Variants in ZDHHC7 observed in about 807,000 individuals in gnomAD.
ZDHHC7 encodes the protein zDHHC palmitoyltransferase 7.
In ZDHHC7, 12 loss-of-function variants were observed where a neutral mutation model predicts 34.1. The observed-to-expected ratio is 0.35, with a 90% CI of 0.23 to 0.57. The LOEUF (loss-of-function observed/expected upper bound fraction) is 0.57, where lower values mean the gene tolerates loss of function less well. Among genes scored for constraint, ZDHHC7 ranks in the 20% least tolerant of loss-of-function variants. The pLI, the probability that ZDHHC7 is intolerant of heterozygous loss-of-function variation, is 0.84. For missense variants in ZDHHC7, 388 were observed against 402.7 expected (o/e 0.96, Z 0.31); for synonymous variants, 185 against 155.4 (o/e 1.19, Z -1.42).
intron 1 of ZDHHC7, among the ~76,000 whole-genome samples, chr16:84,996,337 C>T (rs2072576052): frequency 2.0e-5 from 3 of 152,136 alleles, no homozygotes. Context: ...GCACTTCTAC[C>T]GTCGATAAGC....
At chr16:84,978,753 T>C (rs1327574510) in intron 5 of ZDHHC7, among the ~76,000 whole-genome samples, 2 of 151,418 alleles carry the variant, frequency 1.3e-5, no homozygotes, top group Non-Finnish European at 2.9e-5. Context: ...TCTCAGCTAC[T>C]TGGGAGGCTG....
At chr16:85,002,620 TGTGTGATCCTGG>T (rs1323313473) in intron 1 of ZDHHC7, among the ~76,000 whole-genome samples, 1 of 151,808 alleles carries the variant, frequency 6.6e-6, no homozygotes, top group Non-Finnish European at 1.5e-5. Flanking sequence ...ACTCATGTCC[TGTGTGATCCTGG>T]GTGGGATCCT....
At chr16:85,021,890 C>G in the ZDHHC7 span, among the ~76,000 whole-genome samples, 1 of 152,076 alleles carries the variant, frequency 6.6e-6, no homozygotes, top group African/African-American at 2.4e-5. Flanking sequence ...GGCGCAGTGG[C>G]TCACGCCTGT....
chr16:84,998,105 T>TA (rs11439965), intron 1 of ZDHHC7, among the ~76,000 whole-genome samples: 12,950 of 134,456 alleles, frequency 0.096, 766 homozygotes, highest in African/African-American at 0.18. Flanking sequence ...CTACTAAAAA[T>TA]AAAAAAAAAT....
At chr16:85,012,630 G>T (rs2072809105), upstream of ZDHHC7, among the ~76,000 whole-genome samples, 1 of 152,060 alleles carries the variant, frequency 6.6e-6, no homozygotes, top group Non-Finnish European at 1.5e-5. Context: ...AAGGCCAGGT[G>T]TGGTGGCTCA....
chr16:85,005,462 C>A (rs1404736863), intron 1 of ZDHHC7, among the ~76,000 whole-genome samples: 1 of 152,146 alleles, frequency 6.6e-6, no homozygotes, highest in Non-Finnish European at 1.5e-5. Context: ...AAAAGCCAGG[C>A]GTATCACGAG....
chr16:84,982,094 G>C (rs1274105268), intron 3 of ZDHHC7, 100 bp from the exon 4 acceptor site: 5 of 1,493,864 alleles, frequency 3.3e-6, no homozygotes, highest in Non-Finnish European at 4.6e-6. Context: ...CACTTTGGGA[G>C]GCTGAGGCGG....
At chr16:85,021,113 A>C in the ZDHHC7 span, among the ~76,000 whole-genome samples, 2 of 151,146 alleles carry the variant, frequency 1.3e-5, no homozygotes, top group Non-Finnish European at 2.9e-5. Flanking sequence ...TTAAAAAAAA[A>C]TTAAAAATTA....
At chr16:84,998,831 G>A (rs916561032) in intron 1 of ZDHHC7, among the ~76,000 whole-genome samples, 9 of 135,200 alleles carry the variant, frequency 6.7e-5, no homozygotes, top group African/African-American at 1.7e-4. Flanking sequence ...TCGGCTCACC[G>A]CAACTTCCGC....
upstream of ZDHHC7, among the ~76,000 whole-genome samples, chr16:85,014,908 A>C (rs969300660): frequency 1.2e-4 from 19 of 152,084 alleles, no homozygotes; most frequent in African/African-American, 4.6e-4. Context: ...AACTGAAATA[A>C]TGTCGTGAGG....
At chr16:84,980,914 G>A (rs1409579988) in intron 4 of ZDHHC7, among the ~76,000 whole-genome samples, 2 of 152,088 alleles carry the variant, frequency 1.3e-5, no homozygotes, top group South Asian at 4.1e-4. Context: ...CAAACCATGA[G>A]GATATGAATC....
At chr16:85,008,602 T>C (rs1290835992) in intron 1 of ZDHHC7, among the ~76,000 whole-genome samples, 4 of 151,976 alleles carry the variant, frequency 2.6e-5, no homozygotes, top group Non-Finnish European at 5.9e-5. Flanking sequence ...GCTAGCTAAC[T>C]GGCACAGTCC....
the ZDHHC7 span, among the ~76,000 whole-genome samples, chr16:85,025,652 C>G: frequency 6.6e-6 from 1 of 152,208 alleles, no homozygotes; most frequent in Non-Finnish European, 1.5e-5. Flanking sequence ...TCATGATCCG[C>G]CCGCCTCGAC....
the ZDHHC7 span, among the ~76,000 whole-genome samples, chr16:85,026,791 T>G: frequency 1.3e-5 from 2 of 151,990 alleles, no homozygotes; most frequent in Non-Finnish European, 2.9e-5. Flanking sequence ...AGCTTGATCA[T>G]TTAAGGAGCT....
chr16:85,002,182 A>G (rs1469742414), intron 1 of ZDHHC7, among the ~76,000 whole-genome samples: 1 of 152,148 alleles, frequency 6.6e-6, no homozygotes, highest in East Asian at 1.9e-4. Flanking sequence ...AAATAGACAA[A>G]TACCCAGCGC....
chr16:85,025,196 T>C, the ZDHHC7 span, among the ~76,000 whole-genome samples: 2 of 151,814 alleles, frequency 1.3e-5, no homozygotes, highest in East Asian at 3.9e-4. Flanking sequence ...GAGAATCGCT[T>C]GAATTCAGGA....
At chr16:85,014,599 TAAG>T (rs1185884587), upstream of ZDHHC7, among the ~76,000 whole-genome samples, 3 of 152,158 alleles carry the variant, frequency 2.0e-5, no homozygotes, top group Admixed American at 2.0e-4. Flanking sequence ...ACCTACAGTG[TAAG>T]AAGTGGAAGT....
At chr16:85,013,532 C>G (rs557726579), upstream of ZDHHC7, among the ~76,000 whole-genome samples, 43 of 151,060 alleles carry the variant, frequency 2.8e-4, no homozygotes, top group African/African-American at 1.0e-3. Flanking sequence ...CATGAGCCAC[C>G]ACGCCCGGCC....
intron 1 of ZDHHC7, among the ~76,000 whole-genome samples, chr16:84,996,850 A>C (rs1429045248): frequency 6.6e-6 from 1 of 152,034 alleles, no homozygotes. Flanking sequence ...AAGATGGTGA[A>C]ACCCCGTCGC....
Sources: gnomAD v4.1 joint callset for allele counts (sites outside exome capture counted in the v4.1 genomes callset) on GRCh38, gnomAD v4.1.1 for gene constraint, MANE v1.5 for transcripts, NCBI Gene and HGNC (gene_info 2026-07-23, HGNC 2026-07-21) for gene names.